The following NIBAN1 variants were observed in gnomAD, a reference collection of about 807,000 sequenced individuals.
The protein encoded by NIBAN1 is niban apoptosis regulator 1, also known as protein Niban 1.
Under a neutral mutation model 75.1 loss-of-function variants are expected in NIBAN1, and 81 were observed. The ratio of observed to expected loss-of-function variants is 1.08; its 90% CI spans 0.90 to 1.30. The LOEUF is 1.30. Ranked by LOEUF, NIBAN1 falls within the 50% of genes most tolerant of loss-of-function variation. NIBAN1 has a pLI of 0.00. For missense variants in NIBAN1, 1,133 were observed against 1,128.1 expected (o/e 1.00, Z -0.06); for synonymous variants, 436 against 424.8 (o/e 1.03, Z -0.32).
At chr1:184,805,253 A>G (rs539301728) in intron 11 of NIBAN1, among the ~76,000 whole-genome samples, 48 of 152,358 alleles carry the variant, frequency 3.2e-4, no homozygotes, top group African/African-American at 9.4e-4. Flanking sequence ...AAAAAAAATT[A>G]GTGGACTAGG....
chr1:184,892,336 G>C (rs1425075082), intron 3 of NIBAN1, among the ~76,000 whole-genome samples: 1 of 152,032 alleles, frequency 6.6e-6, no homozygotes, highest in African/African-American at 2.4e-5. Flanking sequence ...TATAGCTTAG[G>C]CAAGGGCGCC....
At chr1:184,867,899 C>T (rs891522675) in intron 5 of NIBAN1, 12 of 985,298 alleles carry the variant, frequency 1.2e-5, no homozygotes, top group African/African-American at 1.7e-5. Flanking sequence ...CTTTTGTCTA[C>T]CCCGTCACTT....
chr1:184,952,154 A>T (rs1214961665), intron 1 of NIBAN1, among the ~76,000 whole-genome samples: 5 of 152,246 alleles, frequency 3.3e-5, no homozygotes, highest in Non-Finnish European at 7.3e-5. Flanking sequence ...TAATCCCAGC[A>T]CTTTGGGAAG....
At chr1:184,841,606 T>G (rs1655289431) in intron 5 of NIBAN1, among the ~76,000 whole-genome samples, 1 of 152,216 alleles carries the variant, frequency 6.6e-6, no homozygotes, top group Admixed American at 6.5e-5. Flanking sequence ...AGATCTTCAA[T>G]GGAACAGAGG....
chr1:184,799,112 T>C (rs1161547181), intron 12 of NIBAN1, among the ~76,000 whole-genome samples: 1 of 152,156 alleles, frequency 6.6e-6, no homozygotes. Context: ...TACATATGTA[T>C]ACATGTGCCA....
intron 1 of NIBAN1, among the ~76,000 whole-genome samples, chr1:184,931,576 C>T (rs563667381): frequency 2.0e-5 from 3 of 152,160 alleles, no homozygotes; most frequent in African/African-American, 7.2e-5. Context: ...TAGTGGAATA[C>T]ATATTTTTCT....
In NIBAN1 at chr1:184,974,333, C is replaced by T; in HGVS notation, c.24G>A (p.Gln8=). ...TGTAAGCGCACTTGCCCTCGTCCAG[C>T]TGGCTGGAGGCTGAGCCGCCCATGA... is the stretch of plus-strand genomic sequence containing the variant. The part of the protein sequence containing the change: MGGSASS[Q]LDEGKCAYIR... The change falls in exon 1 of 14, where the codon CAG becomes CAA. Residue 8 remains glutamine, a synonymous_variant. Transcript: ENST00000367511. 1.3e-6 allele frequency: 2 copies of T among 1,566,766 alleles called. No individual in the cohort carries two copies. The highest frequency in any genetic ancestry group is 2.4e-5 in the East Asian group (1 of 42,102).
chr1:184,850,687 C>G (rs1655518196), intron 5 of NIBAN1, among the ~76,000 whole-genome samples: 1 of 15,416 alleles, frequency 6.5e-5, no homozygotes. Flanking sequence ...TCAGAGTGAA[C>G]AGGCAACCTA....
intron 5 of NIBAN1, among the ~76,000 whole-genome samples, chr1:184,832,543 C>T (rs761220507): frequency 2.6e-5 from 4 of 152,160 alleles, no homozygotes; most frequent in Non-Finnish European, 4.4e-5. Flanking sequence ...TATAATTATC[C>T]TCATTTTACA....
At chr1:184,823,820 T>C (rs1654772247) in intron 6 of NIBAN1, 78 bp from the exon 7 acceptor site, 1 of 1,225,562 alleles carries the variant, frequency 8.2e-7, no homozygotes, top group East Asian at 2.4e-5. Flanking sequence ...AAAAATGTCC[T>C]GATTGGCTGT....
intron 5 of NIBAN1, among the ~76,000 whole-genome samples, chr1:184,843,939 T>C (rs566420394): frequency 4.6e-5 from 7 of 152,308 alleles, no homozygotes; most frequent in African/African-American, 1.2e-4. Flanking sequence ...CTCAGTGACG[T>C]TGTGGGCATC....
At chr1:184,857,920 C>G (rs1278991381) in intron 5 of NIBAN1, among the ~76,000 whole-genome samples, 1 of 149,320 alleles carries the variant, frequency 6.7e-6, no homozygotes, top group African/African-American at 2.5e-5. Flanking sequence ...ACTGGAAACT[C>G]AAATGTTAAA....
intron 4 of NIBAN1, among the ~76,000 whole-genome samples, chr1:184,886,343 C>G (rs910249075): frequency 6.6e-6 from 1 of 152,186 alleles, no homozygotes; most frequent in Non-Finnish European, 1.5e-5. Context: ...GGAGCAGAAC[C>G]ACTGCTACCC....
intron 9 of NIBAN1, among the ~76,000 whole-genome samples, chr1:184,816,248 G>A (rs992783479): frequency 1.3e-5 from 2 of 152,118 alleles, no homozygotes; most frequent in African/African-American, 4.8e-5. Flanking sequence ...TAGTCTTCCT[G>A]GTGTGCTGTA....
intron 11 of NIBAN1, among the ~76,000 whole-genome samples, chr1:184,803,985 G>A (rs1159721953): frequency 1.3e-5 from 2 of 152,188 alleles, no homozygotes; most frequent in Non-Finnish European, 2.9e-5. Context: ...ACTGGGGGGT[G>A]AGTTTGTATT....
intron 5 of NIBAN1, among the ~76,000 whole-genome samples, chr1:184,838,243 A>T (rs1383244086): frequency 6.6e-6 from 1 of 152,118 alleles, no homozygotes; most frequent in East Asian, 1.9e-4. Context: ...TTACATTACA[A>T]CTTACTGTGC....
At chr1:184,974,157 C>T in intron 1 of NIBAN1, 145 bp downstream of exon 1, 2 of 865,094 alleles carry the variant, frequency 2.3e-6, no homozygotes, top group Non-Finnish European at 3.1e-6. Context: ...GCAGGAAACC[C>T]GACTCGCGCG....
At position 184,937,650 on chromosome 1, in the gene NIBAN1, C is replaced by T. The variant is rs116639115; in HGVS notation, c.55+36652G>A. 6.7e-3 allele frequency among the ~76,000 whole-genome samples: 1,020 copies of T among 152,230 alleles called. 11 individuals carry two copies. The highest frequency in any genetic ancestry group is 0.024 in the African/African-American group (991 of 41,526). On this transcript the variant is annotated intron_variant, in intron 1 of 13. Transcript: ENST00000367511. ...CAAACACAGTAAATGTGACAAACGTCGTAACAAAATAAAAGCAGGTGTGGG... is the reference window on the plus strand; with the variant it reads ...CAAACACAGTAAATGTGACAAACGTTGTAACAAAATAAAAGCAGGTGTGGG...
intron 12 of NIBAN1, among the ~76,000 whole-genome samples, chr1:184,801,895 G>C (rs619329): frequency 0.53 from 80,051 of 152,100 alleles, 22,048 homozygotes; most frequent in African/African-American, 0.69. Context: ...CAAAACAGGT[G>C]TTTTATATTG....
Sources: gnomAD v4.1 joint callset for allele counts (sites outside exome capture counted in the v4.1 genomes callset) on GRCh38, gnomAD v4.1.1 for gene constraint, MANE v1.5 for transcripts, NCBI Gene and HGNC (gene_info 2026-07-23, HGNC 2026-07-21) for gene names.